The following GRB14 variants were observed in gnomAD, a reference collection of about 807,000 sequenced individuals.
GRB14 encodes growth factor receptor-bound protein 14.
Under a neutral mutation model 69.1 loss-of-function variants are expected in GRB14, and 38 were observed. That is an observed-to-expected ratio of 0.55 (90% CI 0.42 to 0.72). The LOEUF is 0.72. Ranked by LOEUF, GRB14 falls within the 30% of genes least tolerant of loss-of-function variation. GRB14 has a pLI of 0.00. For synonymous variants in GRB14, 247 were observed against 241.3 expected (o/e 1.02, Z -0.22); for missense variants, 666 against 666.1 (o/e 1.00, Z 0.00).
At chr2:164,549,822 C>T (rs952576134) in intron 2 of GRB14, among the ~76,000 whole-genome samples, 3 of 150,078 alleles carry the variant, frequency 2.0e-5, no homozygotes, top group Non-Finnish European at 4.4e-5. Flanking sequence ...CAGGATCGTG[C>T]CACTGCACTC....
rs567818850 is a variant in GRB14, at chr2:164,513,809, G to A, written c.817-4957C>T. Among the ~76,000 whole-genome samples the A allele has an allele frequency of 5.9e-5, 9 of 152,276 alleles. No individual in the cohort carries two copies. In the South Asian group the frequency reaches 1.7e-3, roughly 28 times the overall value. On this transcript the variant is annotated intron_variant, in intron 6 of 13. Transcript: ENST00000263915. ...TAACCCATAAAGAAGCAACAGTGTT[G>A]TCATTGACAACTATAGATGCATGAA...
chr2:164,496,919 A>G (rs1686914976), intron 12 of GRB14, 89 bp downstream of exon 12: 1 of 1,007,340 alleles, frequency 9.9e-7, no homozygotes, highest in Non-Finnish European at 1.5e-6. Context: ...GCCCAAATCA[A>G]GAACTCTTTG....
intron 2 of GRB14, among the ~76,000 whole-genome samples, chr2:164,595,320 T>C (rs1220319845): frequency 1.3e-5 from 2 of 152,190 alleles, no homozygotes; most frequent in Non-Finnish European, 2.9e-5. Flanking sequence ...ACAATCTGAG[T>C]GTCTAGTGGC....
intron 2 of GRB14, among the ~76,000 whole-genome samples, chr2:164,551,419 T>C (rs1480949294): frequency 6.6e-6 from 1 of 152,156 alleles, no homozygotes; most frequent in Non-Finnish European, 1.5e-5. Flanking sequence ...ATAGACTGAA[T>C]GTTTGTACCC....
chr2:164,585,637 A>G (rs1689521163), intron 2 of GRB14, among the ~76,000 whole-genome samples: 1 of 152,224 alleles, frequency 6.6e-6, no homozygotes, highest in South Asian at 2.1e-4. Context: ...TAATCATGTC[A>G]CAATATATAC....
intron 2 of GRB14, among the ~76,000 whole-genome samples, chr2:164,618,792 T>C (rs908511882): frequency 1.3e-5 from 2 of 152,146 alleles, no homozygotes; most frequent in African/African-American, 4.8e-5. Flanking sequence ...AAGAGAGCAA[T>C]AGACGCGGAA....
At chr2:164,563,331 C>T (rs1296615110) in intron 2 of GRB14, among the ~76,000 whole-genome samples, 1 of 152,168 alleles carries the variant, frequency 6.6e-6, no homozygotes, top group Non-Finnish European at 1.5e-5. Context: ...TGGCGAGTTA[C>T]CCACCAATAT....
At chr2:164,550,445 T>C (rs1021167280) in intron 2 of GRB14, among the ~76,000 whole-genome samples, 2 of 152,232 alleles carry the variant, frequency 1.3e-5, no homozygotes, top group African/African-American at 2.4e-5. Context: ...TGTTATAAAT[T>C]AAAATGATAT....
intron 2 of GRB14, among the ~76,000 whole-genome samples, chr2:164,570,546 C>T (rs141967173): frequency 1.9e-3 from 282 of 152,020 alleles, no homozygotes; most frequent in African/African-American, 6.4e-3. Flanking sequence ...CAAGGGTGCA[C>T]CAAGGTAGAA....
Position 164,621,248 on chromosome 2 carries a change from G to A in GRB14, c.62C>T (p.Pro21Leu), listed in dbSNP as rs1268298056. ...AGCGCCACACACCTGGGCGGCCAGC[G>A]GCGAATCCCGGGCAGCCGCCCTGCT... ...AASRAAARDS[P>L]LAAQVCGAAQ... Residue 21 changes from proline (P) to leucine (L), a missense_variant, in exon 1 of 14, where the codon CCG becomes CTG. Transcript: ENST00000263915. This position sits in a 1 kb window ranked among gnomAD's most constrained non-coding sequence, Gnocchi z 6.0. 1.6e-6 allele frequency: 2 copies of A among 1,275,830 alleles called. No homozygotes were observed. Among genetic ancestry groups the A allele is most frequent in the Non-Finnish European group, 2.0e-6 (2 of 1,010,180 alleles). The allele number at this position is 1,275,830 out of a possible 1,614,324, so 79.0% of individuals were successfully genotyped here.
intron 2 of GRB14, among the ~76,000 whole-genome samples, chr2:164,612,491 C>T (rs1207836466): frequency 6.6e-6 from 1 of 152,194 alleles, no homozygotes; most frequent in Non-Finnish European, 1.5e-5. Flanking sequence ...ACTCCCTTGC[C>T]TTGGCAAAGA....
intron 2 of GRB14, among the ~76,000 whole-genome samples, chr2:164,578,873 T>A (rs1178123778): frequency 6.6e-6 from 1 of 152,178 alleles, no homozygotes; most frequent in African/African-American, 2.4e-5. Context: ...AAGAGTTCAC[T>A]GCATCGCTGT....
Position 164,621,072 on chromosome 2 carries a change from CG to C in GRB14, c.191+46del. On this transcript the variant is annotated intron_variant, in intron 1 of 13. Transcript: ENST00000263915. This position sits in a 1 kb window ranked among gnomAD's most constrained non-coding sequence, Gnocchi z 6.0. Reference sequence around the variant, plus strand: ...TAGGACCGCCTCCTCACCCCCTCGCCGGCTGCCCAGCCAGGACACTCCCCCG... The same window carrying C: ...TAGGACCGCCTCCTCACCCCCTCGCCGCTGCCCAGCCAGGACACTCCCCCG... 2 of 1,241,840 alleles carry C rather than the reference CG, an allele frequency of 1.6e-6. No individual in the cohort carries two copies. Among genetic ancestry groups the C allele is most frequent in the Non-Finnish European group, 2.0e-6 (2 of 985,140 alleles). 76.9% of individuals were successfully genotyped at this position (1,241,840 alleles called of 1,614,324 possible).
At chr2:164,592,643 T>A (rs1466952087) in intron 2 of GRB14, among the ~76,000 whole-genome samples, 3 of 152,196 alleles carry the variant, frequency 2.0e-5, no homozygotes, top group Non-Finnish European at 4.4e-5. Context: ...TTCATGTGCA[T>A]GGAAACCTAC....
intron 2 of GRB14, among the ~76,000 whole-genome samples, chr2:164,589,110 T>C (rs72874858): frequency 0.024 from 3,729 of 152,318 alleles, 94 homozygotes; most frequent in East Asian, 0.11. Flanking sequence ...AGAGTACTCT[T>C]GTAGTCAATG....
chr2:164,604,056 C>T (rs923523659), intron 2 of GRB14, among the ~76,000 whole-genome samples: 4 of 152,206 alleles, frequency 2.6e-5, no homozygotes, highest in Non-Finnish European at 5.9e-5. Context: ...TCATTACACT[C>T]ACCACATTGG....
intron 2 of GRB14, among the ~76,000 whole-genome samples, chr2:164,603,032 T>C (rs1689957470): frequency 6.6e-6 from 1 of 151,958 alleles, no homozygotes; most frequent in South Asian, 2.1e-4. Context: ...GCACAGAGTA[T>C]GAGATGGAAA....
At chr2:164,508,312 TA>T in intron 8 of GRB14, 142 bp downstream of exon 8, 1 of 627,804 alleles carries the variant, frequency 1.6e-6, no homozygotes. Flanking sequence ...TTTAGAATTT[TA>T]AAAACATACA....
chr2:164,524,893 A>G, intron 5 of GRB14, 111 bp downstream of exon 5: 1 of 604,684 alleles, frequency 1.7e-6, no homozygotes, highest in Non-Finnish European at 2.8e-6. Flanking sequence ...AAAAAATATT[A>G]ATAATAATTC....
Sources: allele counts gnomAD v4.1 joint callset (sites outside exome capture counted in the v4.1 genomes callset), GRCh38; gene constraint gnomAD v4.1.1; non-coding constraint Gnocchi (gnomAD v3.1); transcripts MANE v1.5; gene names NCBI Gene and HGNC (gene_info 2026-07-23, HGNC 2026-07-21).